DENND2B: variants seen among roughly 807,000 people sequenced by gnomAD.
DENND2B encodes DENN domain containing 2B.
A neutral mutation model predicts 116.0 loss-of-function variants in DENND2B; 32 were observed. The observed-to-expected ratio is 0.28, with a 90% confidence interval of 0.21 to 0.37. DENND2B has a LOEUF of 0.37. Among genes scored for constraint, DENND2B ranks in the 10% least tolerant of loss-of-function variants. The pLI, the probability that DENND2B is intolerant of heterozygous loss-of-function variation, is 1.00. For missense variants in DENND2B, 1,276 were observed against 1,477.7 expected, an observed-to-expected ratio of 0.86 and a Z score of 2.24; for synonymous variants, 588 against 583.9, an observed-to-expected ratio of 1.01 and a Z score of -0.10.
rs760577027 is a variant in DENND2B at position 8,730,525 on chromosome 11, C to A, written c.765G>T (p.Arg255=). The A allele has an allele frequency of 6.2e-7, 1 of 1,613,126 alleles. No homozygotes were observed. The highest frequency in any genetic ancestry group is 1.7e-5 in the Admixed American group (1 of 60,034). ...EALPVRDSFY[R]LEKRLGRSEP... is the part of the protein sequence containing the mutation. ...CACTCCGGCCCAGCCGTTTCTCCAG[C>A]CGGTAGAAAGAGTCCCGGACAGGGA... is the stretch of plus-strand genomic sequence containing the variant. Residue 255 remains arginine, a synonymous_variant, in exon 3 of 20, where the codon CGG becomes CGT. Coordinates refer to ENST00000313726, the MANE Select transcript of DENND2B (RefSeq NM_213618.2). This position sits in a 1 kb window ranked among gnomAD's most constrained non-coding sequence, Gnocchi z 4.1.
chr11:8,718,194 G>T lies in DENND2B; in HGVS notation c.1478-302C>A, dbSNP rs185000408. On this transcript the variant is annotated intron_variant, in intron 4 of 19. Coordinates refer to ENST00000313726, the MANE Select transcript of DENND2B (RefSeq NM_213618.2). ...GCACAAGACTGGCTCAGCCACCCCTGCCTGTGCCCAGCCAGAGGACAAAGC... is the reference window on the plus strand; with the variant it reads ...GCACAAGACTGGCTCAGCCACCCCTTCCTGTGCCCAGCCAGAGGACAAAGC... 362 of 753,426 alleles carry T rather than the reference G, an allele frequency of 4.8e-4. 4 individuals are homozygous for T. The highest frequency in any genetic ancestry group is 3.4e-3 in the Middle Eastern group (10 of 2,944). 46.7% of individuals were successfully genotyped at this position (753,426 alleles called of 1,614,324 possible). A position where few individuals can be genotyped will look rare whatever the true frequency, so the allele number is the denominator to read the frequency against.
chr11:8,898,510 C>G (rs951082739), intron 1 of DENND2B, among the ~76,000 whole-genome samples: 3 of 152,186 alleles, frequency 2.0e-5, no homozygotes, highest in Admixed American at 6.6e-5. Flanking sequence ...AACCAACAAA[C>G]AGCAGCAATA....
At chr11:8,900,971 G>A (rs1319738453) in intron 1 of DENND2B, among the ~76,000 whole-genome samples, 1 of 150,010 alleles carries the variant, frequency 6.7e-6, no homozygotes, top group Non-Finnish European at 1.5e-5. Flanking sequence ...CCTTGGTCTT[G>A]AACTCCTGAC....
intron 4 of DENND2B, among the ~76,000 whole-genome samples, chr11:8,817,951 C>T (rs1276227143): frequency 2.0e-5 from 3 of 151,642 alleles, no homozygotes; most frequent in Admixed American, 1.3e-4. Context: ...CATGAAAGCA[C>T]CATTTTACCC....
At chr11:8,904,370 ACTT>A (rs1219755614) in intron 1 of DENND2B, among the ~76,000 whole-genome samples, 1 of 152,194 alleles carries the variant, frequency 6.6e-6, no homozygotes, top group African/African-American at 2.4e-5. Context: ...ATAGAAGGAA[ACTT>A]CTTCTCAACC....
chr11:8,833,090 C>T (rs867823705), intron 4 of DENND2B, among the ~76,000 whole-genome samples: 13 of 152,392 alleles, frequency 8.5e-5, no homozygotes, highest in South Asian at 6.2e-4. Flanking sequence ...GGAAGCCCAA[C>T]ATCTGACAGG....
rs188213659 is a variant in DENND2B at position 8,851,726 on chromosome 11, G to T, written c.-156+5617C>A. Reference sequence around the variant, plus strand: ...TTTCTGTAATAGTTTAAATACATAGGGGGGGACAAACTAAACAATAACAGG... The same window carrying T: ...TTTCTGTAATAGTTTAAATACATAGTGGGGGACAAACTAAACAATAACAGG... On this transcript the variant is annotated intron_variant, in intron 3 of 6. Transcript: ENST00000524757. Among the ~76,000 whole-genome samples the T allele has an allele frequency of 3.9e-5, 6 of 151,970 alleles. No homozygotes were observed. In the South Asian group the frequency reaches 6.2e-4, roughly 16 times the overall value.
chr11:8,785,016 T>C (rs1829274376), intron 1 of DENND2B: 1 of 152,172 alleles, frequency 6.6e-6, no homozygotes, highest in South Asian at 2.1e-4. Flanking sequence ...CTGGCACGTG[T>C]CTTCTTTCTG....
upstream of DENND2B, among the ~76,000 whole-genome samples, chr11:8,813,841 T>C (rs1224029565): frequency 1.3e-5 from 2 of 152,190 alleles, no homozygotes. Context: ...GCCCCATTAC[T>C]GAGAGAACTG....
rs1284135122 is a variant in DENND2B, at chr11:8,714,026, G to A, written c.1959C>T (p.Ser653=). 9.9e-6 allele frequency: 16 copies of A among 1,614,000 alleles called. No homozygotes were observed. The highest frequency in any genetic ancestry group is 2.2e-5 in the South Asian group (2 of 91,084). Residue 653 remains serine, a synonymous_variant, in exon 8 of 20, where the codon AGC becomes AGT. Coordinates refer to ENST00000313726, the MANE Select transcript of DENND2B (RefSeq NM_213618.2). ...TGAACCTGTCATCAGAGTCGCTCTC[G>A]CTCTCACTGTTTTCATCTGGAAAAG... ...TASLRDENSE[S]ESDSDDRFKA...
At chr11:8,902,493 T>G (rs2064182957) in intron 1 of DENND2B, among the ~76,000 whole-genome samples, 1 of 152,240 alleles carries the variant, frequency 6.6e-6, no homozygotes. Flanking sequence ...GATTTGTCAT[T>G]TTTGTGATTC....
At chr11:8,716,116 C>T (rs1002708866) in intron 5 of DENND2B, among the ~76,000 whole-genome samples, 10 of 152,314 alleles carry the variant, frequency 6.6e-5, no homozygotes, top group Admixed American at 2.0e-4. Context: ...GGGAATTTTG[C>T]GGGGGTCCTC....
intron 4 of DENND2B, among the ~76,000 whole-genome samples, chr11:8,720,505 T>C (rs1313781369): frequency 6.6e-6 from 1 of 152,176 alleles, no homozygotes; most frequent in Non-Finnish European, 1.5e-5. Context: ...CCCCAGCCCC[T>C]TGTGCCAGCC....
chr11:8,752,451 C>CAA (rs34736915), intron 1 of DENND2B, among the ~76,000 whole-genome samples: 8 of 142,208 alleles, frequency 5.6e-5, no homozygotes, highest in Middle Eastern at 3.6e-3. Context: ...GATTCTGTCT[C>CAA]AAAAAAAAAA....
intron 4 of DENND2B, chr11:8,718,576 G>A (rs539830942): frequency 1.0e-4 from 138 of 1,372,218 alleles, no homozygotes; most frequent in East Asian, 2.7e-4. Context: ...TCCCTCTACC[G>A]CTGATCTCAG....
chr11:8,746,804 G>A (rs904943412), intron 2 of DENND2B, among the ~76,000 whole-genome samples: 15 of 152,196 alleles, frequency 9.9e-5, no homozygotes, highest in African/African-American at 3.1e-4. Flanking sequence ...GAAGATCCCA[G>A]GAGTGCTCAT....
At chr11:8,699,809 T>A (rs1232697230) in intron 14 of DENND2B, 1 of 456,960 alleles carries the variant, frequency 2.2e-6, no homozygotes, top group Admixed American at 2.4e-5. Flanking sequence ...AAAGAACTTG[T>A]GGAAAACCTA....
At chr11:8,903,461 C>G (rs2064195791) in intron 1 of DENND2B, among the ~76,000 whole-genome samples, 1 of 129,590 alleles carries the variant, frequency 7.7e-6, no homozygotes, top group African/African-American at 2.8e-5. Context: ...TTTAACTAGA[C>G]TGACCAAGAT....
chr11:8,875,205 C>A (rs1172986782), upstream of DENND2B, among the ~76,000 whole-genome samples: 1 of 151,720 alleles, frequency 6.6e-6, no homozygotes, highest in African/African-American at 2.4e-5. Flanking sequence ...CACCTGTAGT[C>A]CCAGCTACTT....
Sources: allele counts gnomAD v4.1 joint callset (sites outside exome capture counted in the v4.1 genomes callset), GRCh38; gene constraint gnomAD v4.1.1; non-coding constraint Gnocchi (gnomAD v3.1); transcripts MANE v1.5; gene names NCBI Gene and HGNC (gene_info 2026-07-23, HGNC 2026-07-21).